CRISP1: variants seen among roughly 807,000 people sequenced by gnomAD.
CRISP1 encodes the protein cysteine-rich secretory protein 1.
A neutral mutation model predicts 33.1 loss-of-function variants in CRISP1; 44 were observed. The ratio of observed to expected loss-of-function variants is 1.33; its 90% CI spans 1.05 to 1.71. The LOEUF is 1.71. Ranked by LOEUF, CRISP1 falls within the 40% of genes most tolerant of loss-of-function variation. CRISP1 has a pLI of 0.00. For synonymous variants in CRISP1, 103 were observed against 98.7 expected, an observed-to-expected ratio of 1.04 and a Z score of -0.26; for missense variants, 390 against 301.2, an observed-to-expected ratio of 1.29 and a Z score of -2.18.
chr6:49,849,297 C>T (rs1029988248), intron 3 of CRISP1, among the ~76,000 whole-genome samples: 1 of 152,174 alleles, frequency 6.6e-6, no homozygotes, highest in Non-Finnish European at 1.5e-5. Flanking sequence ...TCGGGCCCCG[C>T]AGGTGGTAGC....
At chr6:49,836,951 A>T (rs911418594) in intron 7 of CRISP1, among the ~76,000 whole-genome samples, 4 of 152,236 alleles carry the variant, frequency 2.6e-5, no homozygotes, top group African/African-American at 7.2e-5. Context: ...TCTCTTATGT[A>T]GTATTCTGGT....
chr6:49,840,568 A>G (rs1199894246), intron 6 of CRISP1, among the ~76,000 whole-genome samples: 3 of 152,196 alleles, frequency 2.0e-5, no homozygotes, highest in African/African-American at 7.2e-5. Context: ...TTATATAATA[A>G]TTACCTGAAG....
intron 5 of CRISP1, among the ~76,000 whole-genome samples, chr6:49,845,487 A>T (rs1178826778): frequency 6.6e-6 from 1 of 152,196 alleles, no homozygotes; most frequent in Non-Finnish European, 1.5e-5. Context: ...TAGAGCAAAG[A>T]TGTGAAGAAA....
upstream of CRISP1, among the ~76,000 whole-genome samples, chr6:49,869,527 C>G (rs1771875183): frequency 1.3e-5 from 2 of 152,296 alleles, no homozygotes; most frequent in Admixed American, 1.3e-4. Flanking sequence ...TGAAGCTATC[C>G]TGGAAGTTGC....
chr6:49,851,856 C>T (rs1582270956), intron 3 of CRISP1, 145 bp downstream of exon 3: 1 of 943,736 alleles, frequency 1.1e-6, no homozygotes, highest in Non-Finnish European at 1.5e-6. Flanking sequence ...CTTACCTTCT[C>T]TGGACCTCTG....
At chr6:49,838,070 C>T (rs773312855) in intron 7 of CRISP1, among the ~76,000 whole-genome samples, 4 of 152,026 alleles carry the variant, frequency 2.6e-5, no homozygotes, top group African/African-American at 9.7e-5. Context: ...TGGAGAACAC[C>T]GGTAAACTGA....
Position 49,835,278 on chromosome 6 carries a change from C to G in CRISP1, c.*38G>C. The stretch of plus-strand genomic sequence containing the variant: ...ATGAATCCAACAGACATCTCCTCCT[C>G]ATCGTCACAGCATAGAACAGTTGAA... On this transcript the variant is annotated 3_prime_UTR_variant, in exon 8 of 8. Coordinates refer to ENST00000335847, the MANE Select transcript of CRISP1 (RefSeq NM_001131.3). The G allele has an allele frequency of 6.2e-7, 1 of 1,601,208 alleles. No individual in the cohort carries two copies. Among genetic ancestry groups the G allele is most frequent in the Non-Finnish European group, 8.5e-7 (1 of 1,173,104 alleles).
intron 2 of CRISP1, among the ~76,000 whole-genome samples, chr6:49,853,541 A>G (rs1325875179): frequency 1.3e-5 from 2 of 152,100 alleles, no homozygotes; most frequent in African/African-American, 4.8e-5. Flanking sequence ...ATGGTCACCT[A>G]CTATATCTCA....
rs138553464 is a variant in CRISP1, at chr6:49,857,998, G to A, written c.-2-596C>T. ...GAATTTCTGACCTCCAGAACAGTAG[G>A]ATAATAAACCTGTATTTATTTTAGA... On this transcript the variant is annotated intron_variant, in intron 1 of 7. Transcript: ENST00000335847. Among the ~76,000 whole-genome samples, 523 of 152,226 alleles carry A rather than the reference G, an allele frequency of 3.4e-3. 5 individuals are homozygous for A. The highest frequency in any genetic ancestry group is 0.012 in the African/African-American group (499 of 41,534).
At chr6:49,847,641 C>G (rs752307258) in intron 4 of CRISP1, among the ~76,000 whole-genome samples, 1 of 152,072 alleles carries the variant, frequency 6.6e-6, no homozygotes, top group Non-Finnish European at 1.5e-5. Context: ...ATTACCAAGG[C>G]TCAGGTATTT....
At chr6:49,876,831 T>A (rs1480655723) in intron 1 of CRISP1, among the ~76,000 whole-genome samples, 1 of 151,690 alleles carries the variant, frequency 6.6e-6, no homozygotes, top group Non-Finnish European at 1.5e-5. Context: ...GGTTGCTGAA[T>A]GATGAGAATG....
At chr6:49,876,443 G>A (rs1184602481) in intron 1 of CRISP1, among the ~76,000 whole-genome samples, 2 of 150,340 alleles carry the variant, frequency 1.3e-5, no homozygotes, top group African/African-American at 2.4e-5. Context: ...TGGTGGGAGT[G>A]TAAATTAGTT....
intron 7 of CRISP1, among the ~76,000 whole-genome samples, chr6:49,837,573 C>A (rs113234275): frequency 6.6e-6 from 1 of 151,314 alleles, no homozygotes; most frequent in Non-Finnish European, 1.5e-5. Flanking sequence ...TAAAAGAGTA[C>A]AAGAGAAGAG....
intron 7 of CRISP1, among the ~76,000 whole-genome samples, chr6:49,836,428 C>CG (rs1166492078): frequency 6.6e-6 from 1 of 151,380 alleles, no homozygotes; most frequent in African/African-American, 2.4e-5. Context: ...CTCTGCCTCC[C>CG]GGGTTCACGC....
chr6:49,858,282 A>G (rs1771548796), intron 1 of CRISP1, among the ~76,000 whole-genome samples: 1 of 152,192 alleles, frequency 6.6e-6, no homozygotes, highest in South Asian at 2.1e-4. Flanking sequence ...CTAGGATATT[A>G]ATAAGTATAG....
intron 7 of CRISP1, among the ~76,000 whole-genome samples, chr6:49,836,575 G>A (rs770214856): frequency 3.3e-5 from 5 of 151,730 alleles, no homozygotes; most frequent in African/African-American, 1.2e-4. Context: ...TCCTGACCTC[G>A]TGATCCGCCC....
At chr6:49,844,857 T>C (rs1771109161) in intron 5 of CRISP1, among the ~76,000 whole-genome samples, 1 of 152,196 alleles carries the variant, frequency 6.6e-6, no homozygotes, top group African/African-American at 2.4e-5. Context: ...TTTTGTTTCA[T>C]AGGTTCACTC....
At chr6:49,868,980 G>T (rs1771863200), upstream of CRISP1, among the ~76,000 whole-genome samples, 1 of 152,038 alleles carries the variant, frequency 6.6e-6, no homozygotes. Context: ...ACAATTTATA[G>T]CTTTCATAAT....
At chr6:49,842,096 A>G (rs1183083404) in intron 5 of CRISP1, among the ~76,000 whole-genome samples, 1 of 152,168 alleles carries the variant, frequency 6.6e-6, no homozygotes, top group Non-Finnish European at 1.5e-5. Flanking sequence ...CTCTTTACAA[A>G]GAGAGTCATG....
Sources: allele counts gnomAD v4.1 joint callset (sites outside exome capture counted in the v4.1 genomes callset), GRCh38; gene constraint gnomAD v4.1.1; transcripts MANE v1.5; gene names NCBI Gene and HGNC (gene_info 2026-07-23, HGNC 2026-07-21).